CLEC12A: variants seen among roughly 807,000 people sequenced by gnomAD.
CLEC12A encodes the protein C-type lectin protein CLL-1.
Under a neutral mutation model 26.5 loss-of-function variants are expected in CLEC12A, and 22 were observed. That is an observed-to-expected ratio of 0.83 (90% CI 0.59 to 1.19). The LOEUF (loss-of-function observed/expected upper bound fraction) is 1.19. CLEC12A is among the 50% of genes most tolerant of loss of function. The pLI, the probability that CLEC12A is intolerant of heterozygous loss-of-function variation, is 0.00. For synonymous variants in CLEC12A, 119 were observed against 101.9 expected, an observed-to-expected ratio of 1.17 and a Z score of -1.01; for missense variants, 353 against 315.6, an observed-to-expected ratio of 1.12 and a Z score of -0.90.
intron 1 of CLEC12A, among the ~76,000 whole-genome samples, chr12:9,956,769 G>C (rs1205372068): frequency 6.6e-6 from 1 of 152,150 alleles, no homozygotes; most frequent in Non-Finnish European, 1.5e-5. Flanking sequence ...TGGGGAGCTG[G>C]AGAGAGAAAC....
chr12:9,970,226 C>A (rs200440725), upstream of CLEC12A, among the ~76,000 whole-genome samples: 1 of 149,146 alleles, frequency 6.7e-6, no homozygotes, highest in African/African-American at 2.5e-5. Flanking sequence ...CTATTTTTTT[C>A]TTTTCTTCAA....
chr12:9,983,611 T>A (rs1864647249), intron 5 of CLEC12A: 1 of 645,200 alleles, frequency 1.5e-6, no homozygotes, highest in South Asian at 1.7e-5. Context: ...GTTTTTAGTA[T>A]ATACTTTTAG....
At chr12:10,002,445 T>TGTGACCAGAAA in the CLEC12A span, among the ~76,000 whole-genome samples, 8 of 38,024 alleles carry the variant, frequency 2.1e-4, no homozygotes, top group South Asian at 9.0e-4. Flanking sequence ...GTAATGTTTT[T>TGTGACCAGAAA]TTTTTTTTTT....
rs528679814 is a variant in CLEC12A, at chr12:9,991,019, T to C, written n.1005-3999T>C. The C allele has an allele frequency of 2.4e-4, 36 of 152,336 alleles. No individual in the cohort carries two copies. In the East Asian group the frequency reaches 5.6e-3, roughly 24 times the overall value. 9.4% of individuals were successfully genotyped at this position (152,336 alleles called of 1,614,324 possible). On this transcript the variant is annotated intron_variant and non_coding_transcript_variant, in intron 4 of 4. Transcript: ENST00000449959. Reference sequence around the variant, plus strand: ...AGACATAATGCTGTTGTATACTTAATAGAAGACGTTGTAGCTCAAACATAA... The same window carrying C: ...AGACATAATGCTGTTGTATACTTAACAGAAGACGTTGTAGCTCAAACATAA...
At chr12:9,998,629 C>T (rs10431294), downstream of CLEC12A, among the ~76,000 whole-genome samples, 32,828 of 110,382 alleles carry the variant, frequency 0.3, 4,857 homozygotes, top group East Asian at 0.53. Flanking sequence ...CTGTTAAGGC[C>T]TGATGTGTTT....
chr12:9,951,703 G>T, intron 1 of CLEC12A: 1 of 311,698 alleles, frequency 3.2e-6, no homozygotes, highest in Non-Finnish European at 6.2e-6. Context: ...CAGTTAGATT[G>T]TATTCTGGTG....
At chr12:10,002,847 A>G in the CLEC12A span, among the ~76,000 whole-genome samples, 1 of 152,226 alleles carries the variant, frequency 6.6e-6, no homozygotes, top group East Asian at 1.9e-4. Flanking sequence ...AGACTCCATT[A>G]TCTATGTTTA....
At chr12:9,970,036 C>T (rs1864068721), upstream of CLEC12A, among the ~76,000 whole-genome samples, 2 of 152,136 alleles carry the variant, frequency 1.3e-5, no homozygotes, top group Non-Finnish European at 2.9e-5. Context: ...AATATATTTT[C>T]CTTTAAATGT....
At chr12:9,992,511 A>G (rs1476320862) in intron 4 of CLEC12A, 1 of 152,060 alleles carries the variant, frequency 6.6e-6, no homozygotes, top group Non-Finnish European at 1.5e-5. Flanking sequence ...GTGAATGGGG[A>G]AGTCATAGTG....
chr12:9,998,644 TTTTTG>T (rs71049030), downstream of CLEC12A, among the ~76,000 whole-genome samples: 191 of 145,734 alleles, frequency 1.3e-3, no homozygotes, highest in South Asian at 3.7e-3. Context: ...GTGTTTGTAT[TTTTTG>T]TTTTGTTTTG....
At chr12:9,967,091 A>C (rs1423238831), upstream of CLEC12A, among the ~76,000 whole-genome samples, 4 of 151,878 alleles carry the variant, frequency 2.6e-5, no homozygotes, top group African/African-American at 4.8e-5. Flanking sequence ...AAAGGATTAC[A>C]GGGTGGAGAA....
chr12:9,956,901 A>G (rs984558034), intron 1 of CLEC12A, among the ~76,000 whole-genome samples: 5 of 152,346 alleles, frequency 3.3e-5, no homozygotes, highest in East Asian at 3.9e-4. Flanking sequence ...TATTAAAAGT[A>G]TAAGTTACCA....
At position 9,971,482 on chromosome 12, in the gene CLEC12A, T is replaced by G; in HGVS notation, c.-115T>G. 7.0e-7 allele frequency: 1 copy of G among 1,434,172 alleles called. No individual in the cohort carries two copies. Among genetic ancestry groups the G allele is most frequent in the South Asian group, 1.6e-5 (1 of 64,252 alleles). The allele number at this position is 1,434,172 out of a possible 1,614,324, so 88.8% of individuals were successfully genotyped here. ...GAAGTTTAAACTTGTAAGCTTAAGC[T>G]TCCGTTTATAAACAGAAGTTTAAAA... On this transcript the variant is annotated 5_prime_UTR_variant, in exon 1 of 6. Transcript: ENST00000304361.
chr12:9,970,412 TTC>T (rs1864085828), upstream of CLEC12A, among the ~76,000 whole-genome samples: 1 of 152,200 alleles, frequency 6.6e-6, no homozygotes, highest in Non-Finnish European at 1.5e-5. Flanking sequence ...TATTTATGCA[TTC>T]TCTTTCATAT....
At chr12:9,979,245 C>T in intron 2 of CLEC12A, 91 bp from the exon 3 acceptor site, 4 of 1,093,142 alleles carry the variant, frequency 3.7e-6, no homozygotes, top group South Asian at 1.4e-5. Flanking sequence ...GCTTTCCCTA[C>T]CCCTTTAATC....
intron 1 of CLEC12A, among the ~76,000 whole-genome samples, chr12:9,975,465 C>T (rs1419840730): frequency 6.6e-6 from 1 of 152,024 alleles, no homozygotes; most frequent in Non-Finnish European, 1.5e-5. Flanking sequence ...TTGCTCCTGC[C>T]CTAGAAATTT....
At chr12:9,963,229 A>G (rs1310893920) in intron 1 of CLEC12A, among the ~76,000 whole-genome samples, 5 of 152,102 alleles carry the variant, frequency 3.3e-5, no homozygotes, top group Admixed American at 2.0e-4. Context: ...ATAATTACTT[A>G]CTTGGTTGGC....
chr12:9,977,105 T>C (rs751522343), intron 1 of CLEC12A, among the ~76,000 whole-genome samples: 4 of 152,320 alleles, frequency 2.6e-5, no homozygotes, highest in East Asian at 3.9e-4. Flanking sequence ...GATGGTGTTT[T>C]GCTTTTTATC....
upstream of CLEC12A, among the ~76,000 whole-genome samples, chr12:9,969,817 G>A (rs1285229413): frequency 6.6e-6 from 1 of 152,212 alleles, no homozygotes; most frequent in African/African-American, 2.4e-5. Flanking sequence ...CTTATAGCCT[G>A]TGCACATATT....
Sources: gnomAD v4.1 joint callset for allele counts (sites outside exome capture counted in the v4.1 genomes callset) on GRCh38, gnomAD v4.1.1 for gene constraint, MANE v1.5 for transcripts, NCBI Gene and HGNC (gene_info 2026-07-23, HGNC 2026-07-21) for gene names.